SORCS2: variants seen among roughly 807,000 people sequenced by gnomAD.
SORCS2 encodes the protein sortilin related VPS10 domain containing receptor 2, also known as VPS10 domain-containing receptor SorCS2.
SORCS2 carries 100 observed loss-of-function variants against 141.6 expected under a neutral mutation model. That is an observed-to-expected ratio of 0.71 (90% CI 0.60 to 0.83). The LOEUF (loss-of-function observed/expected upper bound fraction) is 0.83. SORCS2 is among the 40% of genes least tolerant of loss of function. SORCS2 has a pLI of 0.00. For missense variants in SORCS2, 1,646 were observed against 1,560.2 expected (o/e 1.05, Z -0.93); for synonymous variants, 789 against 676.9 (o/e 1.17, Z -2.57).
At chr4:7,604,552 G>A (rs1717941874) in intron 3 of SORCS2, among the ~76,000 whole-genome samples, 1 of 152,194 alleles carries the variant, frequency 6.6e-6, no homozygotes, top group Admixed American at 6.5e-5. Context: ...CCCCGCCTCG[G>A]CCTCCCAAAG....
chr4:7,646,354 CTA>C (rs2108882682), intron 4 of SORCS2, among the ~76,000 whole-genome samples: 1 of 152,328 alleles, frequency 6.6e-6, no homozygotes, highest in Admixed American at 6.5e-5. Flanking sequence ...CCCAAAATTC[CTA>C]TGTTGAAATT....
chr4:7,531,735 C>A, intron 3 of SORCS2, 106 bp downstream of exon 3: 3 of 1,145,174 alleles, frequency 2.6e-6, no homozygotes, highest in African/African-American at 1.5e-5. Context: ...TACTTTGGCC[C>A]AGGCCGGAGT....
At chr4:7,224,852 C>T (rs964573346) in intron 1 of SORCS2, among the ~76,000 whole-genome samples, 7 of 152,186 alleles carry the variant, frequency 4.6e-5, no homozygotes, top group African/African-American at 7.2e-5. Flanking sequence ...CACTGGGGGC[C>T]GAACGGACCT....
chr4:7,631,763 A>G (rs1209612304), intron 3 of SORCS2, among the ~76,000 whole-genome samples: 1 of 152,160 alleles, frequency 6.6e-6, no homozygotes, highest in African/African-American at 2.4e-5. Flanking sequence ...GGAAGAATGA[A>G]TGGGAGTCCC....
intron 4 of SORCS2, among the ~76,000 whole-genome samples, chr4:7,647,845 G>C (rs997771202): frequency 6.6e-6 from 1 of 152,252 alleles, no homozygotes; most frequent in African/African-American, 2.4e-5. Context: ...CCTGCCATGG[G>C]AAGCCTGCAT....
Position 7,664,463 on chromosome 4 carries a change from T to A in SORCS2, c.1063T>A (p.Phe355Ile). Residue 355 changes from phenylalanine (F) to isoleucine (I), a missense_variant, in exon 7 of 27, where the codon TTC (phenylalanine) becomes ATC (isoleucine). Physicochemically the swap from Phe to Ile is conservative, Grantham distance 21. Coordinates refer to ENST00000507866, the MANE Select transcript of SORCS2 (RefSeq NM_020777.3). This position sits in a 1 kb window ranked among gnomAD's most constrained non-coding sequence, Gnocchi z 4.7. Reference sequence around the variant, plus strand: ...TCTGACCGTGCAGGACGATTACATCTTCTTTAAGGTAAGGTTGCTTCTGGG... The same window carrying A: ...TCTGACCGTGCAGGACGATTACATCATCTTTAAGGTAAGGTTGCTTCTGGG... ...GSLTVQDDYI[F>I]FKATSANQTK... 1 of 1,609,944 alleles carries A rather than the reference T, an allele frequency of 6.2e-7. No homozygotes were observed. The highest frequency in any genetic ancestry group is 1.1e-5 in the South Asian group (1 of 90,624).
At chr4:7,432,611 C>T (rs1726951185) in intron 2 of SORCS2, 3 of 152,104 alleles carry the variant, frequency 2.0e-5, no homozygotes, top group Non-Finnish European at 4.4e-5. Context: ...CCAAGACTTT[C>T]CTTCTGCTCA....
intron 1 of SORCS2, among the ~76,000 whole-genome samples, chr4:7,308,844 C>T (rs1488311709): frequency 6.6e-6 from 1 of 152,298 alleles, no homozygotes; most frequent in East Asian, 1.9e-4. Context: ...CTTCCTTGTG[C>T]CTCCCCAGGA....
intron 12 of SORCS2, 34 bp downstream of exon 12, chr4:7,697,308 C>A (rs1247485033): frequency 6.6e-7 from 1 of 1,522,540 alleles, no homozygotes; most frequent in Admixed American, 1.9e-5. Flanking sequence ...GTACCCCCCA[C>A]CCCATCCAGC....
chr4:7,329,460 G>A (rs192632798), intron 1 of SORCS2, among the ~76,000 whole-genome samples: 1 of 152,202 alleles, frequency 6.6e-6, no homozygotes, highest in Non-Finnish European at 1.5e-5. Context: ...CATGTGTGCC[G>A]CTGAGGGGGT....
At chr4:7,597,646 G>A (rs1577813937) in intron 3 of SORCS2, among the ~76,000 whole-genome samples, 4 of 146,538 alleles carry the variant, frequency 2.7e-5, no homozygotes. Context: ...GGGGGCTATT[G>A]TAATGGGAGG....
chr4:7,511,201 A>G (rs913576378), intron 2 of SORCS2, among the ~76,000 whole-genome samples: 4 of 152,042 alleles, frequency 2.6e-5, no homozygotes, highest in Non-Finnish European at 4.4e-5. Flanking sequence ...GAGATGGAGG[A>G]ATGACACGCC....
intron 4 of SORCS2, 131 bp from the exon 5 acceptor site, chr4:7,654,003 C>T: frequency 1.2e-6 from 1 of 849,596 alleles, no homozygotes; most frequent in Middle Eastern, 2.3e-4. Flanking sequence ...GAGCACAGCG[C>T]CTCCGCGTGT....
intron 11 of SORCS2, among the ~76,000 whole-genome samples, chr4:7,692,744 GT>G (rs2108991305): frequency 6.6e-6 from 1 of 152,316 alleles, no homozygotes; most frequent in African/African-American, 2.4e-5. Context: ...TTTGGATTGA[GT>G]CTGCTGGGCA....
chr4:7,293,891 G>A (rs1052547544), intron 1 of SORCS2, among the ~76,000 whole-genome samples: 12 of 152,156 alleles, frequency 7.9e-5, no homozygotes, highest in African/African-American at 2.7e-4. Flanking sequence ...TGGCTATTCC[G>A]AGGCGCTGTC....
chr4:7,659,395 C>T (rs950377315), intron 5 of SORCS2, among the ~76,000 whole-genome samples: 1 of 152,158 alleles, frequency 6.6e-6, no homozygotes, highest in African/African-American at 2.4e-5. Flanking sequence ...CCTGGAGGAC[C>T]AGCGTATGAA....
At chr4:7,632,650 G>A (rs905500995) in intron 3 of SORCS2, among the ~76,000 whole-genome samples, 3 of 152,200 alleles carry the variant, frequency 2.0e-5, no homozygotes, top group African/African-American at 7.2e-5. Context: ...GACTGCCGCA[G>A]AAAGGGCCTG....
intron 2 of SORCS2, among the ~76,000 whole-genome samples, chr4:7,489,146 C>T (rs748648045): frequency 2.9e-4 from 44 of 152,284 alleles, no homozygotes; most frequent in Admixed American, 3.9e-4. Flanking sequence ...ATCCGTGCAA[C>T]GCTGGAGCCA....
chr4:7,367,515 C>T (rs970577068), intron 1 of SORCS2, among the ~76,000 whole-genome samples: 4 of 152,314 alleles, frequency 2.6e-5, no homozygotes, highest in East Asian at 1.9e-4. Context: ...TCAGTCAAGG[C>T]GGTTCACACA....
Sources: gnomAD v4.1 joint callset for allele counts (sites outside exome capture counted in the v4.1 genomes callset) on GRCh38, gnomAD v4.1.1 for gene constraint, Gnocchi (gnomAD v3.1) non-coding constraint, MANE v1.5 for transcripts, NCBI Gene and HGNC (gene_info 2026-07-23, HGNC 2026-07-21) for gene names.